The following CADM2 variants were observed in gnomAD, a reference collection of about 807,000 sequenced individuals.
CADM2 encodes immunoglobulin superfamily member 4D.
CADM2 carries 12 observed loss-of-function variants against 49.8 expected under a neutral mutation model. That is an observed-to-expected ratio of 0.24 (90% CI 0.15 to 0.39). The LOEUF (loss-of-function observed/expected upper bound fraction) is 0.39, where lower values mean the gene tolerates loss of function less well. CADM2 is among the 10% of genes least tolerant of loss of function. CADM2 has a pLI of 1.00. For synonymous variants in CADM2, 214 were observed against 175.4 expected (o/e 1.22, Z -1.74); for missense variants, 378 against 492.3 (o/e 0.77, Z 2.20).
chr3:85,352,485 T>C (rs1436446528), intron 1 of CADM2, among the ~76,000 whole-genome samples: 1 of 152,142 alleles, frequency 6.6e-6, no homozygotes, highest in African/African-American at 2.4e-5. Flanking sequence ...GGGATAAAGC[T>C]GATTTTGATT....
intron 1 of CADM2, among the ~76,000 whole-genome samples, chr3:85,223,781 TG>T (rs1008285529): frequency 7.9e-5 from 12 of 152,162 alleles, no homozygotes; most frequent in African/African-American, 2.9e-4. Context: ...AGCCCTGCTT[TG>T]TGATTTTCTC....
chr3:85,734,492 A>G (rs1370919824), intron 2 of CADM2, among the ~76,000 whole-genome samples: 4 of 151,122 alleles, frequency 2.6e-5, no homozygotes, highest in Non-Finnish European at 5.9e-5. Flanking sequence ...GATACAATGG[A>G]GATTATATAT....
chr3:85,465,779 G>T (rs2038464855), intron 1 of CADM2, among the ~76,000 whole-genome samples: 1 of 152,136 alleles, frequency 6.6e-6, no homozygotes, highest in Non-Finnish European at 1.5e-5. Flanking sequence ...AGATGGAAAA[G>T]CTTACAGAAT....
rs574919167 is a variant in CADM2 at position 85,956,067 on chromosome 3, G to T, written c.792-5402G>T. Among the ~76,000 whole-genome samples, 9 of 151,646 alleles carry T rather than the reference G, an allele frequency of 5.9e-5. 1 individual carries two copies. The highest frequency in any genetic ancestry group is 2.2e-4 in the African/African-American group (9 of 41,458). ...GTTTTCCAACTTTTTAATTATTTGG[G>T]CTGGTTAAAGAGAAACGTTCTGGAT... On this transcript the variant is annotated intron_variant, in intron 7 of 9. Transcript: ENST00000383699.
At chr3:84,988,367 T>G (rs1467255704) in intron 1 of CADM2, among the ~76,000 whole-genome samples, 2 of 152,258 alleles carry the variant, frequency 1.3e-5, no homozygotes, top group African/African-American at 4.8e-5. Flanking sequence ...AGTGCTAATT[T>G]GTGCTATTTT....
intron 3 of CADM2, among the ~76,000 whole-genome samples, chr3:85,848,817 C>A (rs1265892841): frequency 6.6e-6 from 1 of 152,138 alleles, no homozygotes; most frequent in Admixed American, 6.5e-5. Flanking sequence ...CTTCATGTTA[C>A]TGACTACATG....
chr3:85,573,225 G>GC (rs11419520), intron 1 of CADM2, among the ~76,000 whole-genome samples: 131,070 of 150,016 alleles, frequency 0.87, 57,420 homozygotes, highest in East Asian at 0.95. Flanking sequence ...GCAAGGTCTC[G>GC]CCTGTTGCCC....
intron 1 of CADM2, among the ~76,000 whole-genome samples, chr3:85,164,729 C>T (rs2107673969): frequency 6.6e-6 from 1 of 151,992 alleles, no homozygotes; most frequent in South Asian, 2.1e-4. Flanking sequence ...TTAGGAGTTG[C>T]CCTTATTTGG....
rs558710858 is a variant in CADM2, at chr3:85,533,025, G to C, written c.62-193497G>C. On this transcript the variant is annotated intron_variant, in intron 1 of 9. Transcript: ENST00000383699. ...GGAGGGTGGGAGGTGGGAGGAGGTAGTTGATCAGGAAAAATAACTAATGGG... is the reference window on the plus strand; with the variant it reads ...GGAGGGTGGGAGGTGGGAGGAGGTACTTGATCAGGAAAAATAACTAATGGG... Among the ~76,000 whole-genome samples the C allele has an allele frequency of 3.9e-5, 6 of 152,280 alleles. No homozygotes were observed. In the South Asian group the frequency reaches 1.0e-3, roughly 26 times the overall value.
intron 8 of CADM2, among the ~76,000 whole-genome samples, chr3:85,985,316 C>T (rs987187866): frequency 2.6e-5 from 4 of 151,810 alleles, no homozygotes; most frequent in Admixed American, 6.6e-5. Context: ...GTACATATCA[C>T]GTTCATGAGG....
At chr3:85,375,112 A>G (rs2033510313) in intron 1 of CADM2, among the ~76,000 whole-genome samples, 1 of 152,208 alleles carries the variant, frequency 6.6e-6, no homozygotes, top group Non-Finnish European at 1.5e-5. Context: ...ATATTTTCCT[A>G]TACACTACAT....
intron 1 of CADM2, among the ~76,000 whole-genome samples, chr3:85,057,624 C>T (rs1214180099): frequency 2.0e-5 from 3 of 151,954 alleles, no homozygotes; most frequent in African/African-American, 7.2e-5. Flanking sequence ...ATCATAATGT[C>T]CATACTTAAA....
chr3:85,989,872 G>A (rs895886510), intron 8 of CADM2, among the ~76,000 whole-genome samples: 1 of 151,438 alleles, frequency 6.6e-6, no homozygotes, highest in Non-Finnish European at 1.5e-5. Context: ...AATTAACTGG[G>A]CATGGTGGTG....
At chr3:85,251,013 G>GT (rs2042760354) in intron 1 of CADM2, among the ~76,000 whole-genome samples, 1 of 151,464 alleles carries the variant, frequency 6.6e-6, no homozygotes, top group African/African-American at 2.4e-5. Context: ...CCTTGTTCTA[G>GT]TTTTTTTCTA....
chr3:85,363,447 C>A (rs1367602640), intron 1 of CADM2, among the ~76,000 whole-genome samples: 2 of 151,876 alleles, frequency 1.3e-5, no homozygotes, highest in Non-Finnish European at 1.5e-5. Context: ...AAATTAAAAC[C>A]CCAAATACCC....
intron 1 of CADM2, among the ~76,000 whole-genome samples, chr3:85,611,325 A>C (rs879669314): frequency 5.3e-5 from 8 of 151,928 alleles, no homozygotes; most frequent in Admixed American, 4.6e-4. Flanking sequence ...TGCCTCCATT[A>C]ATGGTAAAAT....
chr3:85,622,199 T>C (rs1476188252), intron 1 of CADM2, among the ~76,000 whole-genome samples: 7 of 152,154 alleles, frequency 4.6e-5, no homozygotes, highest in Admixed American at 2.6e-4. Context: ...GATTTGTTTT[T>C]TTTCTGGAAG....
intron 8 of CADM2, among the ~76,000 whole-genome samples, chr3:85,987,009 A>G (rs953990595): frequency 1.4e-4 from 22 of 152,106 alleles, no homozygotes; most frequent in African/African-American, 5.1e-4. Flanking sequence ...TATTTGGTCT[A>G]TTAGAATCAA....
At chr3:85,922,216 T>A (rs4499617) in intron 6 of CADM2, among the ~76,000 whole-genome samples, 25,727 of 151,730 alleles carry the variant, frequency 0.17, 2,217 homozygotes, top group East Asian at 0.2. Flanking sequence ...TCCCCTTCTT[T>A]CCTTTCTTCT....
Sources: gnomAD v4.1 joint callset for allele counts (sites outside exome capture counted in the v4.1 genomes callset) on GRCh38, gnomAD v4.1.1 for gene constraint, MANE v1.5 for transcripts, NCBI Gene and HGNC (gene_info 2026-07-23, HGNC 2026-07-21) for gene names.